Variants in KCNN2 observed in about 807,000 individuals in gnomAD.
KCNN2 encodes small conductance calcium-activated potassium channel protein 2.
KCNN2 carries 24 observed loss-of-function variants against 55.5 expected under a neutral mutation model. The ratio of observed to expected loss-of-function variants is 0.43; its 90% confidence interval spans 0.31 to 0.61. KCNN2 has a LOEUF of 0.61. Among genes scored for constraint, KCNN2 ranks in the 20% least tolerant of loss-of-function variants. KCNN2 has a pLI of 0.08. For synonymous variants in KCNN2, 431 were observed against 336.1 expected (o/e 1.28, Z -3.09); for missense variants, 754 against 853.6 (o/e 0.88, Z 1.45).
At chr5:114,481,161 C>A (rs1762206353) in intron 5 of KCNN2, among the ~76,000 whole-genome samples, 1 of 152,166 alleles carries the variant, frequency 6.6e-6, no homozygotes, top group South Asian at 2.1e-4. Flanking sequence ...CCTCAGGATA[C>A]AAAATCAGTG....
intron 1 of KCNN2, among the ~76,000 whole-genome samples, chr5:114,151,198 T>C (rs1389815125): frequency 6.6e-6 from 1 of 152,158 alleles, no homozygotes; most frequent in African/African-American, 2.4e-5. Flanking sequence ...AAAAAATGAT[T>C]CTTTTGGCTT....
chr5:114,171,841 C>G (rs1259505844), intron 1 of KCNN2, among the ~76,000 whole-genome samples: 1 of 151,796 alleles, frequency 6.6e-6, no homozygotes, highest in Non-Finnish European at 1.5e-5. Flanking sequence ...GGCTGCTTTA[C>G]CATGTCTTTG....
chr5:114,496,346 CTT>C lies in KCNN2; in HGVS notation c.*172_*173del. ...TTTTAGGCCAAAATGAGTGAAAACT[CTT>C]TTTTTTTCTTTCAGATGCACAGGGA... On this transcript the variant is annotated 3_prime_UTR_variant, in exon 8 of 8. Transcript: ENST00000673685. 1.5e-6 allele frequency: 1 copy of C among 658,474 alleles called. No individual in the cohort carries two copies. The highest frequency in any genetic ancestry group is 3.1e-5 in the Admixed American group (1 of 32,618). 40.8% of individuals were successfully genotyped at this position (658,474 alleles called of 1,614,324 possible).
chr5:114,285,283 C>CAAA (rs70976334), intron 2 of KCNN2, among the ~76,000 whole-genome samples: 68 of 56,260 alleles, frequency 1.2e-3, no homozygotes, highest in African/African-American at 2.1e-3. Flanking sequence ...ACTCCATCTC[C>CAAA]AAAAAAAAAA....
intron 2 of KCNN2, among the ~76,000 whole-genome samples, chr5:114,385,467 C>T (rs1758248164): frequency 6.6e-6 from 1 of 150,918 alleles, no homozygotes; most frequent in Non-Finnish European, 1.5e-5. Flanking sequence ...TGTGATCTTA[C>T]CTCTCCCATT....
chr5:114,143,149 G>T (rs1752322916), intron 1 of KCNN2, among the ~76,000 whole-genome samples: 1 of 152,252 alleles, frequency 6.6e-6, no homozygotes, highest in South Asian at 2.1e-4. Flanking sequence ...TAGTGAGGGT[G>T]GGGGTAGATT....
chr5:114,102,093 T>C (rs550003181), intron 1 of KCNN2, among the ~76,000 whole-genome samples: 5 of 152,316 alleles, frequency 3.3e-5, no homozygotes, highest in Non-Finnish European at 7.4e-5. Context: ...TTCCAGCATC[T>C]GTTGTTTCCT....
At chr5:114,417,636 G>A (rs1178354175) in intron 3 of KCNN2, among the ~76,000 whole-genome samples, 1 of 152,178 alleles carries the variant, frequency 6.6e-6, no homozygotes, top group Non-Finnish European at 1.5e-5. Context: ...AGGGATGAAG[G>A]TGCCACATTA....
At position 114,215,568 on chromosome 5, in the gene KCNN2, C is replaced by T. The variant is rs899439174; in HGVS notation, c.-270-5912C>T. Among the ~76,000 whole-genome samples the T allele has an allele frequency of 6.6e-5, 10 of 152,172 alleles. No homozygotes were observed. In the South Asian group the frequency reaches 1.0e-3, roughly 16 times the overall value. Reference sequence around the variant, plus strand: ...GTTAAATCAATAAATCAGGGTAGAACCCAAGACATAAAATTATGCTACAAA... The same window carrying T: ...GTTAAATCAATAAATCAGGGTAGAATCCAAGACATAAAATTATGCTACAAA... On this transcript the variant is annotated intron_variant, in intron 1 of 10. Transcript: ENST00000512097.
chr5:114,404,401 G>A, intron 2 of KCNN2, 37 bp from the exon 3 acceptor site: 1 of 1,561,672 alleles, frequency 6.4e-7, no homozygotes, highest in Non-Finnish European at 8.7e-7. Context: ...GACCATTCAT[G>A]CCATACTGAA....
At chr5:114,176,657 A>G (rs1465934012) in intron 1 of KCNN2, among the ~76,000 whole-genome samples, 1 of 150,544 alleles carries the variant, frequency 6.6e-6, no homozygotes, top group East Asian at 1.9e-4. Flanking sequence ...AAATAAACAC[A>G]TGTCAAAGGT....
At chr5:114,140,762 C>CATTATT (rs61070958) in intron 1 of KCNN2, among the ~76,000 whole-genome samples, 17,115 of 139,716 alleles carry the variant, frequency 0.12, 1,166 homozygotes, top group African/African-American at 0.19. Flanking sequence ...CTGTCATCCT[C>CATTATT]ATTATTATTA....
At chr5:114,442,433 G>A (rs955461687) in intron 3 of KCNN2, among the ~76,000 whole-genome samples, 2 of 151,998 alleles carry the variant, frequency 1.3e-5, no homozygotes, top group Admixed American at 6.6e-5. Context: ...CTGGTTATAG[G>A]GGCTGAAATC....
chr5:114,206,593 G>C (rs1753781394), intron 1 of KCNN2, among the ~76,000 whole-genome samples: 1 of 151,276 alleles, frequency 6.6e-6, no homozygotes, highest in East Asian at 1.9e-4. Context: ...GATCACTCTC[G>C]TTAGCCTTTC....
intron 3 of KCNN2, among the ~76,000 whole-genome samples, chr5:114,457,921 A>G (rs563813353): frequency 7.2e-5 from 11 of 152,244 alleles, no homozygotes; most frequent in Admixed American, 4.6e-4. Flanking sequence ...CATTGTATCA[A>G]ATATTTTATC....
chr5:114,113,843 C>T (rs752227370), intron 1 of KCNN2, among the ~76,000 whole-genome samples: 1 of 152,202 alleles, frequency 6.6e-6, no homozygotes, highest in Non-Finnish European at 1.5e-5. Context: ...TATGGCAGTA[C>T]TCATTGCTCA....
intron 1 of KCNN2, among the ~76,000 whole-genome samples, chr5:114,124,988 G>T (rs971828284): frequency 6.6e-6 from 1 of 152,070 alleles, no homozygotes; most frequent in Non-Finnish European, 1.5e-5. Context: ...TTTCTGTTCT[G>T]ATCATTGCTG....
At chr5:114,187,668 G>T (rs538785068) in intron 1 of KCNN2, among the ~76,000 whole-genome samples, 1 of 151,226 alleles carries the variant, frequency 6.6e-6, no homozygotes, top group East Asian at 2.0e-4. Context: ...ACTGCACCCG[G>T]CTAATTTTTT....
intron 1 of KCNN2, among the ~76,000 whole-genome samples, chr5:114,065,845 GGTTTTTTTTT>G: frequency 1.0e-5 from 1 of 95,712 alleles, no homozygotes; most frequent in Admixed American, 1.5e-4. Flanking sequence ...CTCCTATGCA[GGTTTTTTTTT>G]TTTTTTTTTT....
Sources: allele counts gnomAD v4.1 joint callset (sites outside exome capture counted in the v4.1 genomes callset), GRCh38; gene constraint gnomAD v4.1.1; transcripts MANE v1.5; gene names NCBI Gene and HGNC (gene_info 2026-07-23, HGNC 2026-07-21).